The following ARMCX4 variants were observed in gnomAD, a reference collection of about 807,000 sequenced individuals.
ARMCX4 encodes armadillo repeat containing X-linked 4.
Under a neutral mutation model 34.7 loss-of-function variants are expected in ARMCX4, and 3 were observed. The observed-to-expected ratio is 0.09, with a 90% CI of 0.04 to 0.22. The LOEUF (loss-of-function observed/expected upper bound fraction) is 0.22. Among genes scored for constraint, ARMCX4 ranks in the 10% least tolerant of loss-of-function variants. The pLI is 1.00. For missense variants in ARMCX4, 1,448 were observed against 1,720.8 expected (o/e 0.84, Z 2.81); for synonymous variants, 513 against 632.8 (o/e 0.81, Z 2.84).
At chrX:101,438,324 G>C (rs1378646844) in intron 2 of ARMCX4, among the ~76,000 whole-genome samples, 3 of 111,936 alleles carry the variant, frequency 2.7e-5, no homozygotes, top group African/African-American at 9.8e-5. Flanking sequence ...CAGCACTTTG[G>C]GAGGCTGAAG....
At chrX:101,527,015 T>G (rs1484174080) in intron 11 of ARMCX4, among the ~76,000 whole-genome samples, 1 of 111,667 alleles carries the variant, frequency 9.0e-6, no homozygotes, top group Non-Finnish European at 1.9e-5. Context: ...CCATCCCAAA[T>G]CAATAGAATA....
At chrX:101,460,671 A>G (rs1164882968) in intron 4 of ARMCX4, among the ~76,000 whole-genome samples, 1 of 112,125 alleles carries the variant, frequency 8.9e-6, no homozygotes, top group Non-Finnish European at 1.9e-5. Flanking sequence ...TTATTACTGA[A>G]AAATTTAAAA....
intron 11 of ARMCX4, among the ~76,000 whole-genome samples, chrX:101,521,132 A>T (rs1469031911): frequency 9.1e-6 from 1 of 109,805 alleles, no homozygotes; most frequent in Non-Finnish European, 1.9e-5. Flanking sequence ...GGGTTTCACC[A>T]TATTGGCCAG....
In ARMCX4 at chrX:101,489,000, C is replaced by T; in HGVS notation, c.411C>T (p.Ala137=). ...TEAVTLTEVK[A]KAREVAMKEA... The stretch of plus-strand genomic sequence containing the variant: ...CAGTGACTCTGACTGAGGTCAAGGC[C>T]AAAGCCAGGGAAGTGGCCATGAAAG... The change falls in exon 6 of 6, where the codon GCC becomes GCT. Residue 137 remains alanine, a synonymous_variant. Transcript: ENST00000423738. 1 of 1,156,045 alleles carries T rather than the reference C, an allele frequency of 8.7e-7. No homozygotes were observed.
At chrX:101,486,778 A>G (rs1047937372) in intron 2 of ARMCX4, among the ~76,000 whole-genome samples, 1 of 109,592 alleles carries the variant, frequency 9.1e-6, no homozygotes, top group Non-Finnish European at 1.9e-5. Flanking sequence ...TAATTTAAAA[A>G]TTAGCTGGGT....
At chrX:101,458,647 C>T (rs921009756) in intron 4 of ARMCX4, among the ~76,000 whole-genome samples, 19 of 109,454 alleles carry the variant, frequency 1.7e-4, no homozygotes, top group South Asian at 8.0e-4. Context: ...CCCCCACGCT[C>T]GGCTAATTTT....
downstream of ARMCX4, chrX:101,498,321 C>T (rs1336031350): frequency 5.1e-5 from 14 of 272,147 alleles, no homozygotes; most frequent in Non-Finnish European, 9.1e-5. Context: ...ATGAAGACTC[C>T]ATCATTGGTG....
intron 2 of ARMCX4, among the ~76,000 whole-genome samples, chrX:101,428,348 G>A (rs1239828180): frequency 2.7e-5 from 3 of 112,126 alleles, no homozygotes; most frequent in Non-Finnish European, 5.6e-5. Flanking sequence ...TACATTTTCA[G>A]TACTCAGATC....
At chrX:101,508,329 A>T (rs1392715081) in intron 8 of ARMCX4, among the ~76,000 whole-genome samples, 1 of 112,320 alleles carries the variant, frequency 8.9e-6, no homozygotes, top group Non-Finnish European at 1.9e-5. Context: ...TTATTTTCTC[A>T]TAGTTATGCA....
chrX:101,433,011 T>TAC (rs1347385341), intron 2 of ARMCX4, among the ~76,000 whole-genome samples: 4 of 86,163 alleles, frequency 4.6e-5, no homozygotes, highest in African/African-American at 8.0e-5. Context: ...TGTGTATATA[T>TAC]ACACATATGT....
chrX:101,508,436 A>G lies in ARMCX4; in HGVS notation c.*1597-928A>G, dbSNP rs782006742. Among the ~76,000 whole-genome samples the G allele has an allele frequency of 5.4e-5, 6 of 111,300 alleles. No homozygotes were observed. The East Asian group carries it at 1.4e-3, about 26-fold the overall frequency. The stretch of plus-strand genomic sequence containing the variant: ...GGCCACCTTCTTGTTGTGTCGTCAC[A>G]TGGCCTTTTCTCTGTGTGGGCGTGG... On this transcript the variant is annotated intron_variant and NMD_transcript_variant, in intron 8 of 12. Coordinates refer to the ARMCX4 transcript ENST00000354842.
chrX:101,464,857 A>G (rs1365212789), intron 4 of ARMCX4, among the ~76,000 whole-genome samples: 1 of 112,025 alleles, frequency 8.9e-6, no homozygotes, highest in East Asian at 2.8e-4. Context: ...AGTAATATAT[A>G]TAGAAAATCT....
rs983579466 is a variant in ARMCX4 at position 101,487,640 on chromosome X, T to C, written c.-254T>C. The C allele has an allele frequency of 8.3e-6, 8 of 966,132 alleles. No homozygotes were observed. The African/African-American group carries it at 1.6e-4, about 19-fold the overall frequency. The allele number at this position is 966,132 out of a possible 1,213,427, so 79.6% of individuals were successfully genotyped here. ...TGCATGTCTGCTGCAGGGCTTAAGA[T>C]CACTGGAAGCAAAGAAACAAAGAGG... On this transcript the variant is annotated 5_prime_UTR_variant, in exon 4 of 6. Transcript: ENST00000423738.
chrX:101,527,947 T>C (rs1935017729), intron 11 of ARMCX4, among the ~76,000 whole-genome samples: 1 of 111,658 alleles, frequency 9.0e-6, no homozygotes, highest in African/African-American at 3.3e-5. Flanking sequence ...TTCCAATCAA[T>C]AGAAAAAGAG....
chrX:101,482,890 CTTTTTTTTTTT>C (rs36075508), upstream of ARMCX4, among the ~76,000 whole-genome samples: 87 of 54,757 alleles, frequency 1.6e-3, no homozygotes, highest in African/African-American at 7.1e-3. Flanking sequence ...TTGCGTCAGG[CTTTTTTTTTTT>C]TTTTTTTTTT....
intron 11 of ARMCX4, among the ~76,000 whole-genome samples, chrX:101,516,172 T>C (rs1569347204): frequency 9.0e-6 from 1 of 111,328 alleles, no homozygotes; most frequent in Non-Finnish European, 1.9e-5. Context: ...ATTTGCAAAA[T>C]CAGAAAGCTC....
upstream of ARMCX4, among the ~76,000 whole-genome samples, chrX:101,484,623 T>C (rs1470529170): frequency 8.9e-6 from 1 of 112,249 alleles, no homozygotes; most frequent in Non-Finnish European, 1.9e-5. Context: ...CTGTGTAAAA[T>C]TGTCAATATT....
intron 4 of ARMCX4, among the ~76,000 whole-genome samples, chrX:101,460,384 C>T (rs1364705037): frequency 8.9e-6 from 1 of 112,455 alleles, no homozygotes; most frequent in Non-Finnish European, 1.9e-5. Context: ...AAGCTCCAGG[C>T]TCCTGGGATC....
chrX:101,497,538 C>T (rs1406108987), downstream of ARMCX4, among the ~76,000 whole-genome samples: 6 of 111,679 alleles, frequency 5.4e-5, no homozygotes, highest in African/African-American at 2.0e-4. Flanking sequence ...CACGCCCGGC[C>T]TCATTTGTTT....
Sources: allele counts gnomAD v4.1 joint callset (sites outside exome capture counted in the v4.1 genomes callset), GRCh38; gene constraint gnomAD v4.1.1; transcripts MANE v1.5; gene names NCBI Gene and HGNC (gene_info 2026-07-23, HGNC 2026-07-21).